The following COL25A1 variants were observed in gnomAD, a reference collection of about 807,000 sequenced individuals.
COL25A1 encodes collagen alpha-1(XXV) chain.
In COL25A1, 103 loss-of-function variants were observed where a neutral mutation model predicts 128.4. That is an observed-to-expected ratio of 0.80 (90% CI 0.68 to 0.94). COL25A1 has a LOEUF of 0.94. Among genes scored for constraint, COL25A1 ranks in the 40% least tolerant of loss-of-function variants. COL25A1 has a pLI of 0.00. For synonymous variants in COL25A1, 279 were observed against 277.2 expected, an observed-to-expected ratio of 1.01 and a Z score of -0.06; for missense variants, 745 against 840.0, an observed-to-expected ratio of 0.89 and a Z score of 1.40.
At chr4:108,852,357 T>C (rs373314567) in intron 25 of COL25A1, 77 bp from the exon 26 acceptor site, 1 of 1,017,184 alleles carries the variant, frequency 9.8e-7, no homozygotes, top group East Asian at 2.8e-5. Flanking sequence ...AGGCACACTA[T>C]ACACCTTCCT....
chr4:108,912,662 C>T (rs1744368050), intron 13 of COL25A1, among the ~76,000 whole-genome samples: 1 of 151,992 alleles, frequency 6.6e-6, no homozygotes, highest in African/African-American at 2.4e-5. Context: ...AACAAAAAAA[C>T]TGTGTTTAGT....
intron 10 of COL25A1, 23 bp from the exon 11 acceptor site, chr4:108,937,866 T>A: frequency 1.3e-6 from 2 of 1,592,180 alleles, no homozygotes; most frequent in Non-Finnish European, 1.7e-6. Context: ...TAGTGATAAT[T>A]TTAGTAACGC....
At chr4:109,118,374 A>T (rs1191645088) in intron 3 of COL25A1, among the ~76,000 whole-genome samples, 2 of 99,748 alleles carry the variant, frequency 2.0e-5, no homozygotes, top group Non-Finnish European at 1.7e-5. Context: ...CCACAAAAAA[A>T]GATAACACAC....
chr4:108,845,928 G>C (rs1456112620), intron 28 of COL25A1, among the ~76,000 whole-genome samples: 1 of 151,964 alleles, frequency 6.6e-6, no homozygotes, highest in Non-Finnish European at 1.5e-5. Context: ...AAACATGAAG[G>C]CTTCCTTTAT....
At chr4:109,067,628 C>G (rs1345463250) in intron 3 of COL25A1, among the ~76,000 whole-genome samples, 1 of 152,170 alleles carries the variant, frequency 6.6e-6, no homozygotes, top group East Asian at 1.9e-4. Flanking sequence ...TTCTCCATCT[C>G]CTGGTGAACA....
chr4:109,069,114 A>G (rs185367269), intron 3 of COL25A1, among the ~76,000 whole-genome samples: 20 of 152,020 alleles, frequency 1.3e-4, no homozygotes, highest in African/African-American at 4.6e-4. Flanking sequence ...TAATATTTAA[A>G]TATTTTAAAC....
At chr4:109,129,311 T>G (rs1400478566) in intron 3 of COL25A1, among the ~76,000 whole-genome samples, 1 of 152,030 alleles carries the variant, frequency 6.6e-6, no homozygotes, top group African/African-American at 2.4e-5. Flanking sequence ...GTATTTTTAG[T>G]AGAGACGGGG....
chr4:108,814,435 G>A (rs1731062740), intron 37 of COL25A1, among the ~76,000 whole-genome samples: 1 of 152,136 alleles, frequency 6.6e-6, no homozygotes, highest in Admixed American at 6.5e-5. Flanking sequence ...CCTTTTGCAA[G>A]CCTTGCCCTC....
intron 3 of COL25A1, among the ~76,000 whole-genome samples, chr4:109,266,865 T>C (rs1373817802): frequency 6.6e-6 from 1 of 152,226 alleles, no homozygotes; most frequent in African/African-American, 2.4e-5. Context: ...GAGCCTTTGC[T>C]ATTGCACTCC....
chr4:109,130,002 TA>T (rs35187548), intron 3 of COL25A1, among the ~76,000 whole-genome samples: 19,198 of 138,592 alleles, frequency 0.14, 1,485 homozygotes, highest in East Asian at 0.36. Context: ...AAAGTATAAT[TA>T]AAAAAAAAAA....
rs565221088 is a variant in COL25A1 at position 109,139,678 on chromosome 4, T to A, written c.368-89499A>T. Reference sequence around the variant, plus strand: ...TCCCCCACCTTTTATTAGTTTTTTTTAATTATTATTATACTTTAAGTTTTA... The same window carrying A: ...TCCCCCACCTTTTATTAGTTTTTTTAAATTATTATTATACTTTAAGTTTTA... On this transcript the variant is annotated intron_variant, in intron 3 of 37. Transcript: ENST00000399132. Among the ~76,000 whole-genome samples, 450 of 152,272 alleles carry A rather than the reference T, an allele frequency of 3.0e-3. 1 individual carries two copies. Among genetic ancestry groups the A allele is most frequent in the African/African-American group, 0.01 (428 of 41,534 alleles).
intron 5 of COL25A1, among the ~76,000 whole-genome samples, chr4:109,045,499 T>C (rs1236538285): frequency 6.6e-6 from 1 of 152,124 alleles, no homozygotes; most frequent in Non-Finnish European, 1.5e-5. Flanking sequence ...ATATAAAAAA[T>C]ATGCCAGAAA....
intron 3 of COL25A1, among the ~76,000 whole-genome samples, chr4:109,103,394 C>T (rs1386280096): frequency 6.6e-6 from 1 of 152,082 alleles, no homozygotes; most frequent in Non-Finnish European, 1.5e-5. Context: ...TTTTTTGCCT[C>T]ACCCCTTATT....
chr4:109,237,972 A>G (rs536605330), intron 3 of COL25A1, among the ~76,000 whole-genome samples: 170 of 152,194 alleles, frequency 1.1e-3, no homozygotes, highest in African/African-American at 3.9e-3. Flanking sequence ...AGGATCATCC[A>G]TGTCATAGCA....
chr4:109,170,643 GAGGA>G, intron 3 of COL25A1, among the ~76,000 whole-genome samples: 1 of 152,268 alleles, frequency 6.6e-6, no homozygotes, highest in South Asian at 2.1e-4. Flanking sequence ...GGCAGGTGGA[GAGGA>G]AGGAATAGAA....
chr4:108,814,155 T>C (rs1731035580), intron 37 of COL25A1, among the ~76,000 whole-genome samples: 1 of 152,214 alleles, frequency 6.6e-6, no homozygotes, highest in Non-Finnish European at 1.5e-5. Flanking sequence ...ATTCCACATT[T>C]TTCCTTTGCC....
At chr4:109,134,719 C>T (rs968941798) in intron 3 of COL25A1, among the ~76,000 whole-genome samples, 1 of 151,918 alleles carries the variant, frequency 6.6e-6, no homozygotes, top group African/African-American at 2.4e-5. Context: ...GTGAAGCTAT[C>T]GACTGAGATG....
chr4:109,204,762 G>A (rs1046342997), intron 3 of COL25A1, among the ~76,000 whole-genome samples: 16 of 152,040 alleles, frequency 1.1e-4, no homozygotes, highest in African/African-American at 3.9e-4. Context: ...TATTGTTAAA[G>A]GTGTTACAAT....
At chr4:108,981,642 C>T (rs1430193596) in intron 6 of COL25A1, among the ~76,000 whole-genome samples, 1 of 152,188 alleles carries the variant, frequency 6.6e-6, no homozygotes, top group South Asian at 2.1e-4. Context: ...GGAGTCAAAC[C>T]GATGCAGATT....
Sources: allele counts gnomAD v4.1 joint callset (sites outside exome capture counted in the v4.1 genomes callset), GRCh38; gene constraint gnomAD v4.1.1; transcripts MANE v1.5; gene names NCBI Gene and HGNC (gene_info 2026-07-23, HGNC 2026-07-21).